CAPN2: variants seen among roughly 807,000 people sequenced by gnomAD.
CAPN2 encodes the protein calpain-2 catalytic subunit.
In CAPN2, 92 loss-of-function variants were observed where a neutral mutation model predicts 102.3. That is an observed-to-expected ratio of 0.90 (90% confidence interval 0.76 to 1.07). The LOEUF is 1.07. CAPN2 is among the 50% of genes least tolerant of loss of function. The pLI is 0.00. For missense variants in CAPN2, 800 were observed against 909.4 expected, an observed-to-expected ratio of 0.88 and a Z score of 1.55; for synonymous variants, 340 against 355.4, an observed-to-expected ratio of 0.96 and a Z score of 0.49.
At chr1:223,751,833 G>A (rs551331705) in intron 7 of CAPN2, among the ~76,000 whole-genome samples, 164 bp from the exon 8 acceptor site, 2 of 152,356 alleles carry the variant, frequency 1.3e-5, no homozygotes, top group East Asian at 1.9e-4. Context: ...TTAAAGTGCT[G>A]TAAGAGTATT....
At chr1:223,745,676 A>G (rs746405813) in intron 4 of CAPN2, among the ~76,000 whole-genome samples, 1 of 152,214 alleles carries the variant, frequency 6.6e-6, no homozygotes, top group Non-Finnish European at 1.5e-5. Flanking sequence ...CTATAGAAGG[A>G]CTTCTTTGGC....
At chr1:223,718,976 G>A (rs1269920007) in intron 2 of CAPN2, among the ~76,000 whole-genome samples, 1 of 152,186 alleles carries the variant, frequency 6.6e-6, no homozygotes, top group Non-Finnish European at 1.5e-5. Flanking sequence ...GAATGTCAGA[G>A]CATCATGTGA....
chr1:223,751,286 A>G (rs1328862888), intron 7 of CAPN2, among the ~76,000 whole-genome samples: 3 of 152,114 alleles, frequency 2.0e-5, no homozygotes, highest in African/African-American at 4.8e-5. Flanking sequence ...AGGGAAAAAA[A>G]TACACCCCAC....
At chr1:223,771,344 A>C (rs1261229746) in intron 18 of CAPN2, 1 of 155,424 alleles carries the variant, frequency 6.4e-6, no homozygotes, top group Non-Finnish European at 1.4e-5. Context: ...GACTGCAAGG[A>C]AGCTGGGACA....
At chr1:223,736,250 C>A (rs1167039501) in intron 2 of CAPN2, among the ~76,000 whole-genome samples, 2 of 152,148 alleles carry the variant, frequency 1.3e-5, no homozygotes, top group African/African-American at 2.4e-5. Flanking sequence ...AAGAGAGATC[C>A]TCAGGGGCTG....
At chr1:223,749,397 C>G (rs2102800723) in intron 6 of CAPN2, 2 of 552,528 alleles carry the variant, frequency 3.6e-6, no homozygotes, top group South Asian at 4.7e-5. Flanking sequence ...CAGTTACAAC[C>G]TTACTATTTT....
At chr1:223,758,669 GT>G in intron 11 of CAPN2, 1 of 149,452 alleles carries the variant, frequency 6.7e-6, no homozygotes, top group Non-Finnish European at 1.5e-5. Flanking sequence ...AGGCATTTGT[GT>G]TTTTTGGTAG....
At chr1:223,738,101 T>C (rs1660513081) in intron 2 of CAPN2, among the ~76,000 whole-genome samples, 1 of 152,204 alleles carries the variant, frequency 6.6e-6, no homozygotes, top group Non-Finnish European at 1.5e-5. Flanking sequence ...ATATTTAATT[T>C]TTAAATAAAC....
At chr1:223,716,699 G>T (rs568085349) in intron 1 of CAPN2, among the ~76,000 whole-genome samples, 1 of 152,074 alleles carries the variant, frequency 6.6e-6, no homozygotes, top group East Asian at 1.9e-4. Context: ...TCAAGGCAAG[G>T]TTGCCTGAGC....
chr1:223,737,746 T>C (rs1017508429), intron 2 of CAPN2, among the ~76,000 whole-genome samples: 1 of 136,400 alleles, frequency 7.3e-6, no homozygotes, highest in Non-Finnish European at 1.6e-5. Context: ...CACCATGTAC[T>C]GTAAAGAAAA....
At chr1:223,718,719 G>A (rs6683379) in intron 2 of CAPN2, among the ~76,000 whole-genome samples, 42,412 of 152,176 alleles carry the variant, frequency 0.28, 6,473 homozygotes, top group East Asian at 0.44. Flanking sequence ...AGCAAAATCA[G>A]TCAACTAGAG....
At position 223,759,037 on chromosome 1, in the gene CAPN2, G is replaced by A. The variant is rs946980196; in HGVS notation, c.1318-233G>A. 7.2e-6 allele frequency: 4 copies of A among 554,984 alleles called. No homozygotes were observed. Among genetic ancestry groups the A allele is most frequent in the Non-Finnish European group, 1.3e-5 (4 of 309,160 alleles). 34.4% of individuals were successfully genotyped at this position (554,984 alleles called of 1,614,324 possible). A position where few individuals can be genotyped will look rare whatever the true frequency, so the allele number is the denominator to read the frequency against. ...ATGACCCAGGCATTGTCACTGTACT[G>A]CTATTTTTTTAAAAAAATTTTGTTG... is the stretch of plus-strand genomic sequence containing the variant. On this transcript the variant is annotated intron_variant, in intron 11 of 20. Coordinates refer to ENST00000295006, the MANE Select transcript of CAPN2 (RefSeq NM_001748.5). This position sits in a 1 kb window ranked among gnomAD's most constrained non-coding sequence, Gnocchi z 4.6.
chr1:223,757,119 A>G (rs1225303424), intron 10 of CAPN2, among the ~76,000 whole-genome samples: 3 of 152,156 alleles, frequency 2.0e-5, no homozygotes, highest in Non-Finnish European at 4.4e-5. Flanking sequence ...ACCTTAGACA[A>G]GTCTCTTCAC....
At chr1:223,761,821 G>A (rs868131399) in intron 13 of CAPN2, 26 of 549,644 alleles carry the variant, frequency 4.7e-5, no homozygotes, top group African/African-American at 4.5e-4. Flanking sequence ...TGCCTATTGG[G>A]CTGTGCTAGC....
chr1:223,751,102 G>A (rs923374671), intron 7 of CAPN2, 127 bp downstream of exon 7: 77 of 856,128 alleles, frequency 9.0e-5, no homozygotes, highest in East Asian at 2.4e-4. Flanking sequence ...CCCAGGCCAC[G>A]TGGACAGGGA....
rs975670730 is a variant in CAPN2, at chr1:223,775,177, G to GA, written c.*329dup. ...CCTGTTCATAGCAATATTAAATCAGGAAAAAAAAATGCAGGGAGGTATTTA... is the reference window on the plus strand; with the variant it reads ...CCTGTTCATAGCAATATTAAATCAGGAAAAAAAAAATGCAGGGAGGTATTTA... On this transcript the variant is annotated 3_prime_UTR_variant, in exon 21 of 21. Coordinates refer to ENST00000295006, the MANE Select transcript of CAPN2 (RefSeq NM_001748.5). 2.4e-3 allele frequency: 581 copies of GA among 245,274 alleles called. No homozygotes were observed. The highest frequency in any genetic ancestry group is 3.3e-3 in the East Asian group (41 of 12,360). The allele number at this position is 245,274 out of a possible 1,614,324, so 15.2% of individuals were successfully genotyped here.
Position 223,760,146 on chromosome 1 carries a change from G to T in CAPN2, c.1529+665G>T, listed in dbSNP as rs1661150011. On this transcript the variant is annotated intron_variant, in intron 12 of 20. Transcript: ENST00000295006. ...TACCCTGGGTGATTTAAGCTAAAGG[G>T]AATTCATCGAAAGGCCATTGGAGAC... Among the ~76,000 whole-genome samples the T allele has an allele frequency of 2.6e-5, 4 of 152,328 alleles. No homozygotes were observed. The South Asian group carries it at 8.3e-4, about 32-fold the overall frequency.
chr1:223,716,668 CA>C (rs1659880118), intron 1 of CAPN2, among the ~76,000 whole-genome samples: 1 of 151,862 alleles, frequency 6.6e-6, no homozygotes, highest in Non-Finnish European at 1.5e-5. Flanking sequence ...GCAACCCAAG[CA>C]GACATGAGAC....
chr1:223,775,967 G>A lies in CAPN2; in HGVS notation c.*1110G>A, dbSNP rs1343123587. The A allele has an allele frequency of 6.6e-6, 1 of 152,532 alleles. No homozygotes were observed. The highest frequency in any genetic ancestry group is 2.4e-5 in the African/African-American group (1 of 41,434). 9.4% of individuals were successfully genotyped at this position (152,532 alleles called of 1,614,324 possible). A position where few individuals can be genotyped will look rare whatever the true frequency, so the allele number is the denominator to read the frequency against. ...GTAAATTCATGTATTCAAAGGAAAA[G>A]ACACCTTGCCTATAATTAAAATGTG... is the stretch of plus-strand genomic sequence containing the variant. On this transcript the variant is annotated 3_prime_UTR_variant, in exon 21 of 21. Transcript: ENST00000295006.
Sources: allele counts gnomAD v4.1 joint callset (sites outside exome capture counted in the v4.1 genomes callset), GRCh38; gene constraint gnomAD v4.1.1; non-coding constraint Gnocchi (gnomAD v3.1); transcripts MANE v1.5; gene names NCBI Gene and HGNC (gene_info 2026-07-23, HGNC 2026-07-21).